The following FBXL17 variants were observed in gnomAD, a reference collection of about 807,000 sequenced individuals.
FBXL17 encodes the protein F-box and leucine rich repeat protein 17.
FBXL17 carries 22 observed loss-of-function variants against 66.2 expected under a neutral mutation model. The observed-to-expected ratio is 0.33, with a 90% confidence interval of 0.24 to 0.47. FBXL17 has a LOEUF of 0.47. FBXL17 is among the 20% of genes least tolerant of loss of function. FBXL17 has a pLI of 1.00. For synonymous variants in FBXL17, 474 were observed against 400.5 expected (o/e 1.18, Z -2.19); for missense variants, 878 against 948.2 (o/e 0.93, Z 0.97).
intron 4 of FBXL17, among the ~76,000 whole-genome samples, chr5:108,292,227 T>C (rs1758142909): frequency 6.6e-6 from 1 of 150,954 alleles, no homozygotes; most frequent in Non-Finnish European, 1.5e-5. Flanking sequence ...GTTCAATCAA[T>C]TCTCCTGCCT....
chr5:108,055,285 AAAAAAAAAAAAAAAAAAAAAAAAAAAAAG>A (rs1747646130), intron 6 of FBXL17, among the ~76,000 whole-genome samples: 1 of 38,286 alleles, frequency 2.6e-5, no homozygotes, highest in African/African-American at 1.3e-4. Flanking sequence ...TTTTAGAAAA[AAAAAAAAAAAAAAAAAAAAAAAAAAAAAG>A]AAAAACGCTT....
intron 6 of FBXL17, among the ~76,000 whole-genome samples, chr5:108,134,190 T>G (rs1396814759): frequency 6.6e-6 from 1 of 152,060 alleles, no homozygotes; most frequent in Non-Finnish European, 1.5e-5. Flanking sequence ...AATATTCCAC[T>G]AAAGGGAAAT....
chr5:107,886,477 T>C (rs1748974660), intron 7 of FBXL17, among the ~76,000 whole-genome samples: 1 of 152,058 alleles, frequency 6.6e-6, no homozygotes, highest in Non-Finnish European at 1.5e-5. Flanking sequence ...CAGAGCTTCA[T>C]AGAGAAATCA....
At chr5:107,979,071 GAGAC>G (rs1388120591) in intron 7 of FBXL17, among the ~76,000 whole-genome samples, 1 of 152,176 alleles carries the variant, frequency 6.6e-6, no homozygotes, top group African/African-American at 2.4e-5. Flanking sequence ...AAGATTAAAA[GAGAC>G]AATGCATGTG....
intron 7 of FBXL17, among the ~76,000 whole-genome samples, chr5:107,978,301 G>A (rs1580276332): frequency 1.3e-5 from 2 of 152,042 alleles, no homozygotes; most frequent in African/African-American, 4.8e-5. Flanking sequence ...TTTGAAGCAG[G>A]GATGATAACA....
intron 8 of FBXL17, among the ~76,000 whole-genome samples, chr5:107,865,041 A>G (rs1003815714): frequency 1.3e-5 from 2 of 152,224 alleles, no homozygotes; most frequent in African/African-American, 4.8e-5. Context: ...TCTGCATCAC[A>G]TTGCAAAGAA....
intron 4 of FBXL17, among the ~76,000 whole-genome samples, chr5:108,269,033 G>A (rs4385196): frequency 0.28 from 42,699 of 151,924 alleles, 6,511 homozygotes; most frequent in Middle Eastern, 0.37. Flanking sequence ...AGTTAGGGTG[G>A]TTATTTTAGG....
At chr5:107,901,812 G>A (rs1749575310) in intron 7 of FBXL17, among the ~76,000 whole-genome samples, 1 of 152,184 alleles carries the variant, frequency 6.6e-6, no homozygotes, top group Non-Finnish European at 1.5e-5. Flanking sequence ...CCGAGTTGGG[G>A]AGATAATGGG....
intron 6 of FBXL17, among the ~76,000 whole-genome samples, chr5:108,158,748 A>G (rs982941258): frequency 2.0e-5 from 3 of 152,184 alleles, no homozygotes; most frequent in Admixed American, 6.5e-5. Flanking sequence ...GATTATGCAG[A>G]TAAGTGGAAT....
intron 6 of FBXL17, among the ~76,000 whole-genome samples, chr5:108,068,168 C>T (rs973994747): frequency 4.6e-5 from 7 of 152,120 alleles, no homozygotes; most frequent in Middle Eastern, 3.2e-3. Flanking sequence ...CTTAAAAAAA[C>T]TTTGCCTTTT....
chr5:107,924,766 A>C (rs975729698), intron 7 of FBXL17, among the ~76,000 whole-genome samples: 3 of 152,202 alleles, frequency 2.0e-5, no homozygotes, highest in African/African-American at 7.2e-5. Context: ...ATCTGTTTTA[A>C]ATTGAGTAAA....
chr5:108,026,415 G>A (rs1304758352), intron 6 of FBXL17, among the ~76,000 whole-genome samples: 1 of 151,892 alleles, frequency 6.6e-6, no homozygotes, highest in Non-Finnish European at 1.5e-5. Context: ...TACTTTTTTT[G>A]TAAATGCTCT....
chr5:107,878,886 C>T, intron 8 of FBXL17: 1 of 985,508 alleles, frequency 1.0e-6, no homozygotes, highest in Non-Finnish European at 1.2e-6. Context: ...GCAGCAGGCT[C>T]TGACCAGACG....
At chr5:107,926,232 G>A (rs2112568096) in intron 7 of FBXL17, among the ~76,000 whole-genome samples, 1 of 152,260 alleles carries the variant, frequency 6.6e-6, no homozygotes, top group East Asian at 1.9e-4. Context: ...GTAACTTGCT[G>A]ATGGTTCTGC....
intron 4 of FBXL17, among the ~76,000 whole-genome samples, chr5:108,270,424 TTAATTA>T (rs1757219023): frequency 7.4e-6 from 1 of 135,584 alleles, no homozygotes; most frequent in African/African-American, 2.5e-5. Context: ...GAATCATATT[TTAATTA>T]TATTTATAAT....
At chr5:108,114,125 T>C (rs1348310058) in intron 6 of FBXL17, among the ~76,000 whole-genome samples, 1 of 152,180 alleles carries the variant, frequency 6.6e-6, no homozygotes, top group Non-Finnish European at 1.5e-5. Flanking sequence ...GAAGCTAATC[T>C]TCATTATCAT....
chr5:108,019,078 T>A (rs527478854), intron 7 of FBXL17, among the ~76,000 whole-genome samples: 1 of 152,252 alleles, frequency 6.6e-6, no homozygotes, highest in Non-Finnish European at 1.5e-5. Context: ...AAATTCTAAG[T>A]GAATCTTGTT....
chr5:108,177,465 T>A (rs934582419), intron 6 of FBXL17, among the ~76,000 whole-genome samples: 1 of 152,180 alleles, frequency 6.6e-6, no homozygotes, highest in Non-Finnish European at 1.5e-5. Flanking sequence ...CAACCATGTC[T>A]GATGTCTGAG....
intron 4 of FBXL17, among the ~76,000 whole-genome samples, chr5:108,341,821 T>C (rs1746902050): frequency 6.6e-6 from 1 of 152,142 alleles, no homozygotes; most frequent in South Asian, 2.1e-4. Flanking sequence ...TTATCTTTGT[T>C]AACGCTCTTT....
Sources: gnomAD v4.1 joint callset for allele counts (sites outside exome capture counted in the v4.1 genomes callset) on GRCh38, gnomAD v4.1.1 for gene constraint, MANE v1.5 for transcripts, NCBI Gene and HGNC (gene_info 2026-07-23, HGNC 2026-07-21) for gene names.